Variants in NADSYN1 observed in about 807,000 individuals in gnomAD.
The protein encoded by NADSYN1 is glutamine-dependent NAD(+) synthetase.
NADSYN1 carries 80 observed loss-of-function variants against 99.3 expected under a neutral mutation model. The ratio of observed to expected loss-of-function variants is 0.81; its 90% CI spans 0.67 to 0.97. The LOEUF is 0.97. NADSYN1 is among the 50% of genes least tolerant of loss of function. The pLI, the probability that NADSYN1 is intolerant of heterozygous loss-of-function variation, is 0.00. For synonymous variants in NADSYN1, 385 were observed against 372.1 expected, an observed-to-expected ratio of 1.03 and a Z score of -0.40; for missense variants, 859 against 948.5, an observed-to-expected ratio of 0.91 and a Z score of 1.24.
At chr11:71,471,743 G>A (rs1280661386) in intron 5 of NADSYN1, among the ~76,000 whole-genome samples, 1 of 152,164 alleles carries the variant, frequency 6.6e-6, no homozygotes, top group Admixed American at 6.5e-5. Flanking sequence ...TGAATGAGGG[G>A]GAAAGACATC....
At chr11:71,481,032 G>A in intron 11 of NADSYN1, 153 bp downstream of exon 11, 1 of 1,064,752 alleles carries the variant, frequency 9.4e-7, no homozygotes, top group Non-Finnish European at 1.3e-6. Context: ...TGAGGGCGTG[G>A]ATGCTAGAGC....
At chr11:71,455,804 A>G (rs1317662584) in intron 2 of NADSYN1, among the ~76,000 whole-genome samples, 13 of 152,154 alleles carry the variant, frequency 8.5e-5, no homozygotes, top group Admixed American at 8.5e-4. Context: ...GGACCAAGAC[A>G]TATTCCCAGG....
At chr11:71,481,838 G>A (rs1032425431) in intron 12 of NADSYN1, 85 bp from the exon 13 acceptor site, 332 of 1,244,572 alleles carry the variant, frequency 2.7e-4, no homozygotes, top group Non-Finnish European at 3.2e-5. Context: ...ACGCCTCCTT[G>A]AGGTCTATGG....
At chr11:71,463,561 G>T in intron 4 of NADSYN1, 76 bp downstream of exon 4, 1 of 1,424,322 alleles carries the variant, frequency 7.0e-7, no homozygotes, top group Non-Finnish European at 9.8e-7. Context: ...GCCAGGACCC[G>T]TGCTGGTGCC....
At position 71,473,556 on chromosome 11, in the gene NADSYN1, C is replaced by T. The variant is rs769854274; in HGVS notation, c.549-13C>T. The stretch of plus-strand genomic sequence containing the variant: ...TCTGGTGGCCTGTTCTCTTCACCTG[C>T]CTCTGCCTGCAGCCCGCACATCGAC... On this transcript the variant is annotated splice_polypyrimidine_tract_variant and intron_variant, in intron 7 of 20. Coordinates refer to ENST00000319023, the MANE Select transcript of NADSYN1 (RefSeq NM_018161.5). 2 of 1,604,236 alleles carry T rather than the reference C, an allele frequency of 1.2e-6. No homozygotes were observed. Among genetic ancestry groups the T allele is most frequent in the South Asian group, 1.1e-5 (1 of 90,626 alleles).
chr11:71,498,479 T>C lies in NADSYN1; in HGVS notation c.2021T>C (p.Phe674Ser). 6 of 1,614,162 alleles carry C rather than the reference T, an allele frequency of 3.7e-6. No homozygotes were observed. The highest frequency in any genetic ancestry group is 5.1e-6 in the Non-Finnish European group (6 of 1,180,030). Reference sequence around the variant, plus strand: ...GACAACAGGTTTGATCTGCGACCATTTCTGTACAACACAAGCTGGCCTTGG... The same window carrying C: ...GACAACAGGTTTGATCTGCGACCATCTCTGTACAACACAAGCTGGCCTTGG... ...PEDNRFDLRPFLYNTSWPWQF... is the reference protein window; with the variant it reads ...PEDNRFDLRPSLYNTSWPWQF... The change falls in exon 20 of 21, where the codon TTT becomes TCT. Residue 674 changes from phenylalanine (F) to serine (S), a missense_variant. Transcript: ENST00000319023.
chr11:71,484,908 CA>C (rs1163397836), intron 15 of NADSYN1: 5 of 195,312 alleles, frequency 2.6e-5, no homozygotes, highest in Admixed American at 2.1e-4. Context: ...TGAGTGTGCA[CA>C]AACGTGAGTG....
chr11:71,488,829 C>CT (rs1003612753), intron 16 of NADSYN1, among the ~76,000 whole-genome samples: 1 of 152,110 alleles, frequency 6.6e-6, no homozygotes, highest in African/African-American at 2.4e-5. Context: ...TGTTTCCACT[C>CT]TGTTGCCCAG....
rs1051435891 is a variant in NADSYN1 at position 71,485,642 on chromosome 11, A to G, written c.1556A>G (p.Asp519Gly). 2 of 1,553,052 alleles carry G rather than the reference A, an allele frequency of 1.3e-6. No homozygotes were observed. Among genetic ancestry groups the G allele is most frequent in the African/African-American group, 2.7e-5 (2 of 73,278 alleles). ...CTCGTGCTGGGATCCGCCAACGTGGATGAGAGGTGAGTGTGGCCCAGTGGC... is the reference window on the plus strand; with the variant it reads ...CTCGTGCTGGGATCCGCCAACGTGGGTGAGAGGTGAGTGTGGCCCAGTGGC... ...GLLVLGSANV[D>G]ESLLGYLTKY... The change falls in exon 16 of 21, where the codon GAT becomes GGT. Residue 519 changes from aspartate (D) to glycine (G), a missense_variant. Transcript: ENST00000319023.
intron 6 of NADSYN1, among the ~76,000 whole-genome samples, 195 bp downstream of exon 6, chr11:71,472,695 T>C (rs2120441487): frequency 6.6e-6 from 1 of 152,240 alleles, no homozygotes; most frequent in African/African-American, 2.4e-5. Flanking sequence ...CCAGGGTGGC[T>C]CCTCCTTGCC....
intron 15 of NADSYN1, 86 bp downstream of exon 15, chr11:71,484,533 C>T: frequency 6.7e-7 from 1 of 1,483,896 alleles, no homozygotes. Context: ...GGTGCCCCCA[C>T]CTGGGCCATC....
rs749801544 is a variant in NADSYN1, at chr11:71,469,927, G to GAAAAAAAAAAAAAA, written c.408-2518_408-2505dup. On this transcript the variant is annotated intron_variant, in intron 5 of 20. Coordinates refer to ENST00000319023, the MANE Select transcript of NADSYN1 (RefSeq NM_018161.5). ...GAAGACAGAACAAGAGCCTGTCTCA[G>GAAAAAAAAAAAAAA]AAAAAAAAAAAAAAAAAGACGTGTG... 3.0e-3 allele frequency among the ~76,000 whole-genome samples: 332 copies of GAAAAAAAAAAAAAA among 108,996 alleles called. 12 individuals carry two copies. Among genetic ancestry groups the GAAAAAAAAAAAAAA allele is most frequent in the African/African-American group, 4.9e-3 (126 of 25,934 alleles). 71.5% of individuals were successfully genotyped at this position (108,996 alleles called of 152,430 possible).
At position 71,499,097 on chromosome 11, in the gene NADSYN1, C is replaced by T. The variant is rs7948770; in HGVS notation, c.2070+569C>T. The T allele has an allele frequency of 8.9e-3, 1,365 of 153,060 alleles. 21 individuals carry two copies. Among genetic ancestry groups the T allele is most frequent in the African/African-American group, 0.031 (1,296 of 41,542 alleles). 9.5% of individuals were successfully genotyped at this position (153,060 alleles called of 1,614,324 possible). A position where few individuals can be genotyped will look rare whatever the true frequency, so the allele number is the denominator to read the frequency against. The stretch of plus-strand genomic sequence containing the variant: ...TTTAAGATGTTCATGTAGGTTCATC[C>T]GTATTGTTGCAAATGGCAGAATTTC... On this transcript the variant is annotated intron_variant, in intron 20 of 20. Coordinates refer to ENST00000319023, the MANE Select transcript of NADSYN1 (RefSeq NM_018161.5).
At chr11:71,493,794 A>C (rs1397148998) in intron 18 of NADSYN1, among the ~76,000 whole-genome samples, 1 of 152,134 alleles carries the variant, frequency 6.6e-6, no homozygotes, top group African/African-American at 2.4e-5. Flanking sequence ...TTTGTGTTTT[A>C]AGCTGTTATT....
chr11:71,462,195 C>G (rs1463104663), intron 3 of NADSYN1, among the ~76,000 whole-genome samples: 1 of 152,094 alleles, frequency 6.6e-6, no homozygotes. Context: ...ACCCTCCTCC[C>G]TTTTGGAAAA....
intron 14 of NADSYN1, among the ~76,000 whole-genome samples, chr11:71,483,555 G>T (rs10898191): frequency 1.3e-5 from 2 of 151,994 alleles, no homozygotes; most frequent in African/African-American, 4.8e-5. Context: ...GCACCTTTCC[G>T]GAGAAGAAAG....
intron 3 of NADSYN1, among the ~76,000 whole-genome samples, chr11:71,461,721 C>T (rs925961436): frequency 6.6e-6 from 1 of 152,218 alleles, no homozygotes; most frequent in Non-Finnish European, 1.5e-5. Context: ...GCCACAGCAC[C>T]CAGTCGCTAC....
At chr11:71,482,771 G>C (rs1323514276) in intron 13 of NADSYN1, 78 bp from the exon 14 acceptor site, 2 of 1,510,140 alleles carry the variant, frequency 1.3e-6, no homozygotes, top group Non-Finnish European at 1.8e-6. Flanking sequence ...GCACCTGGGG[G>C]TGTAGACCGG....
chr11:71,497,550 G>T lies in NADSYN1; in HGVS notation c.1832G>T (p.Gly611Val), dbSNP rs187130128. Residue 611 changes from glycine (G) to valine (V), a missense_variant, in exon 19 of 21, where the codon GGG becomes GTG. Coordinates refer to ENST00000319023, the MANE Select transcript of NADSYN1 (RefSeq NM_018161.5). ...YGKLRKVAKM[G>V]PYSMFCKLLG... ...AAACTCAGGAAGGTGGCCAAGATGG[G>T]GCCCTACAGCATGTTCTGCAAACTC... The T allele has an allele frequency of 6.2e-7, 1 of 1,614,152 alleles. No homozygotes were observed. Among genetic ancestry groups the T allele is most frequent in the East Asian group, 2.2e-5 (1 of 44,878 alleles).
Sources: allele counts gnomAD v4.1 joint callset (sites outside exome capture counted in the v4.1 genomes callset), GRCh38; gene constraint gnomAD v4.1.1; transcripts MANE v1.5; gene names NCBI Gene and HGNC (gene_info 2026-07-23, HGNC 2026-07-21).